The following STK33 variants were observed in gnomAD, a reference collection of about 807,000 sequenced individuals.
STK33 encodes the protein serine/threonine-protein kinase 33.
In STK33, 52 loss-of-function variants were observed where a neutral mutation model predicts 58.0. The observed-to-expected ratio is 0.90, with a 90% CI of 0.72 to 1.13. The LOEUF is 1.13. Among genes scored for constraint, STK33 ranks in the 50% most tolerant of loss-of-function variants. STK33 has a pLI of 0.00. For synonymous variants in STK33, 215 were observed against 200.1 expected (o/e 1.07, Z -0.63); for missense variants, 630 against 604.2 (o/e 1.04, Z -0.45).
chr11:8,449,591 A>C (rs112366728), intron 11 of STK33, among the ~76,000 whole-genome samples: 2 of 138,664 alleles, frequency 1.4e-5, no homozygotes, highest in African/African-American at 5.4e-5. Flanking sequence ...ATGAGAACAC[A>C]TGGACACAGG....
intron 1 of STK33, among the ~76,000 whole-genome samples, chr11:8,534,221 G>C (rs922984504): frequency 6.6e-6 from 1 of 151,690 alleles, no homozygotes; most frequent in Non-Finnish European, 1.5e-5. Flanking sequence ...TTTGCAGTGA[G>C]CCAAGATCGC....
chr11:8,487,916 A>G (rs1950302194), intron 1 of STK33, among the ~76,000 whole-genome samples: 1 of 152,244 alleles, frequency 6.6e-6, no homozygotes, highest in Non-Finnish European at 1.5e-5. Flanking sequence ...AATATCAGTA[A>G]GAACAACAAG....
In STK33 at chr11:8,406,077, A is replaced by G. The variant is rs1305693981; in HGVS notation, c.1344+7418T>C. ...AGAATGGCGGGAACCTGGGAGGCGG[A>G]GCTTGCAGTGAGCCGAGATCGCGCC... On this transcript the variant is annotated intron_variant, in intron 15 of 15. Transcript: ENST00000687296. Among the ~76,000 whole-genome samples, 5 of 141,492 alleles carry G rather than the reference A, an allele frequency of 3.5e-5. No individual in the cohort carries two copies. In the East Asian group the frequency reaches 8.9e-4, roughly 25 times the overall value. 92.8% of individuals were successfully genotyped at this position (141,492 alleles called of 152,430 possible). A position where few individuals can be genotyped will look rare whatever the true frequency, so the allele number is the denominator to read the frequency against.
intron 1 of STK33, among the ~76,000 whole-genome samples, chr11:8,504,155 C>CAAAA (rs1951709170): frequency 1.3e-5 from 2 of 152,156 alleles, no homozygotes; most frequent in Non-Finnish European, 2.9e-5. Flanking sequence ...GTGCAACAGA[C>CAAAA]TATTTTAGCC....
intron 1 of STK33, among the ~76,000 whole-genome samples, chr11:8,569,871 C>A (rs891467233): frequency 6.6e-5 from 10 of 152,096 alleles, no homozygotes; most frequent in Non-Finnish European, 1.3e-4. Flanking sequence ...ATGGGAGAAT[C>A]ACTTGAGCCC....
intron 1 of STK33, among the ~76,000 whole-genome samples, chr11:8,553,228 G>GTATATATATATATATATATATATA (rs1240964298): frequency 1.1e-5 from 1 of 94,984 alleles, no homozygotes; most frequent in African/African-American, 4.5e-5. Context: ...TATATATGGT[G>GTATATATATATATATATATATATA]TGTATATATA....
Position 8,435,553 on chromosome 11 carries a change from T to A in STK33, c.1087A>T (p.Lys363Ter). ...GTGATTCTGTGAGCAGGATCTACTT[T>A]CATAAGTTGTTTCAAAACACTTTTA... ...CAKSVLKQLM[K>*]VDPAHRITAK... The change falls in exon 14 of 16, where the codon AAA becomes TAA. Residue 363 changes from lysine to a stop codon, truncating the protein, a stop_gained. Transcript: ENST00000687296. LOFTEE classifies it high-confidence loss of function. The A allele has an allele frequency of 6.6e-7, 1 of 1,507,194 alleles. No individual in the cohort carries two copies. Among genetic ancestry groups the A allele is most frequent in the Non-Finnish European group, 8.9e-7 (1 of 1,118,502 alleles). The allele number at this position is 1,507,194 out of a possible 1,614,324, so 93.4% of individuals were successfully genotyped here.
At chr11:8,348,822 T>A in the STK33 span, among the ~76,000 whole-genome samples, 26 of 151,890 alleles carry the variant, frequency 1.7e-4, no homozygotes, top group Admixed American at 7.2e-4. Context: ...ACCCTGAGCA[T>A]CCCTGAAACA....
chr11:8,570,707 C>T (rs1957748412), intron 1 of STK33, among the ~76,000 whole-genome samples: 2 of 152,026 alleles, frequency 1.3e-5, no homozygotes, highest in Admixed American at 6.5e-5. Flanking sequence ...CAGAGGAGGG[C>T]CGAGAGAGGC....
intron 14 of STK33, among the ~76,000 whole-genome samples, chr11:8,416,290 CTTATAAG>C (rs1941114609): frequency 6.6e-6 from 1 of 152,088 alleles, no homozygotes; most frequent in South Asian, 2.1e-4. Context: ...CTCCCTCTGT[CTTATAAG>C]TTATATGGTA....
intron 8 of STK33, 40 bp from the exon 9 acceptor site, chr11:8,457,519 A>G (rs780106412): frequency 4.7e-6 from 7 of 1,488,956 alleles, no homozygotes; most frequent in Admixed American, 3.7e-5. Flanking sequence ...AGCAAATTAT[A>G]TATCTGGGGA....
At chr11:8,427,465 G>T (rs1942910763) in intron 14 of STK33, among the ~76,000 whole-genome samples, 1 of 151,858 alleles carries the variant, frequency 6.6e-6, no homozygotes, top group African/African-American at 2.4e-5. Flanking sequence ...TTATTGGGTA[G>T]TCTATCATCT....
At chr11:8,517,054 T>C (rs1311538885) in intron 1 of STK33, among the ~76,000 whole-genome samples, 3 of 152,186 alleles carry the variant, frequency 2.0e-5, no homozygotes, top group African/African-American at 4.8e-5. Flanking sequence ...CCCTGACCCC[T>C]GAGTAGCCTA....
Position 8,461,794 on chromosome 11 carries a change from T to C in STK33, c.558+11A>G, listed in dbSNP as rs1947555073. The C allele has an allele frequency of 5.8e-6, 9 of 1,559,812 alleles. No individual in the cohort carries two copies. The highest frequency in any genetic ancestry group is 2.0e-5 in the Admixed American group (1 of 49,316). On this transcript the variant is annotated intron_variant, in intron 8 of 15. Transcript: ENST00000687296. ...ACAACTTTCAAAATGCAGCGCCTAA[T>C]AGAGGTTTACCTTTGGCGTTTCAAA...
At position 8,398,788 on chromosome 11, in the gene STK33, CA is replaced by C. The variant is rs150910190; in HGVS notation, c.1345-6079del. 3.4e-3 allele frequency among the ~76,000 whole-genome samples: 454 copies of C among 134,058 alleles called. 2 individuals are homozygous for C. Among genetic ancestry groups the C allele is most frequent in the South Asian group, 0.01 (46 of 4,454 alleles). 87.9% of individuals were successfully genotyped at this position (134,058 alleles called of 152,430 possible). On this transcript the variant is annotated intron_variant, in intron 15 of 15. Coordinates refer to ENST00000687296, the MANE Select transcript of STK33 (RefSeq NM_001352389.2). ...GAAGATCTACCAAGCAAATGGAAAA[CA>C]AAAAAAAAAAAAGCAGGGGTTGCAA...
intron 1 of STK33, among the ~76,000 whole-genome samples, chr11:8,546,010 T>C (rs1955881685): frequency 1.3e-5 from 2 of 152,240 alleles, no homozygotes; most frequent in African/African-American, 4.8e-5. Flanking sequence ...TATTAAATAC[T>C]GTAGGCAATT....
At chr11:8,477,075 G>A (rs534613900) in intron 3 of STK33, among the ~76,000 whole-genome samples, 175 bp downstream of exon 3, 1 of 148,164 alleles carries the variant, frequency 6.7e-6, no homozygotes, top group African/African-American at 2.5e-5. Context: ...ATGAGGACAG[G>A]TACATTAAAA....
chr11:8,337,241 A>G, the STK33 span, among the ~76,000 whole-genome samples: 4 of 152,198 alleles, frequency 2.6e-5, no homozygotes, highest in South Asian at 8.3e-4. Context: ...CAGACTGGGG[A>G]AAAGTCTTAT....
At chr11:8,395,509 C>T (rs192303293) in intron 15 of STK33, among the ~76,000 whole-genome samples, 144 of 152,326 alleles carry the variant, frequency 9.5e-4, no homozygotes, top group Non-Finnish European at 1.6e-3. Flanking sequence ...CAAATACATT[C>T]ATCTACTGAC....
Sources: gnomAD v4.1 joint callset for allele counts (sites outside exome capture counted in the v4.1 genomes callset) on GRCh38, gnomAD v4.1.1 for gene constraint, MANE v1.5 for transcripts, NCBI Gene and HGNC (gene_info 2026-07-23, HGNC 2026-07-21) for gene names.